Variants in FUT9 observed in about 807,000 individuals in gnomAD.
FUT9 encodes the protein 4-galactosyl-N-acetylglucosaminide 3-alpha-L-fucosyltransferase 9.
A neutral mutation model predicts 29.7 loss-of-function variants in FUT9; 15 were observed. That is an observed-to-expected ratio of 0.51 (90% CI 0.34 to 0.78). FUT9 has a LOEUF of 0.78. FUT9 is among the 30% of genes least tolerant of loss of function. The probability of loss-of-function intolerance (pLI) is 0.01; values close to 1 mark genes in which losing one functional copy is unlikely to be tolerated. For missense variants in FUT9, 319 were observed against 425.4 expected (o/e 0.75, Z 2.20); for synonymous variants, 169 against 153.7 (o/e 1.10, Z -0.74).
At position 96,203,916 on chromosome 6, in the gene FUT9, C is replaced by T. The variant is rs1245422376; in HGVS notation, c.761C>T (p.Thr254Met). The T allele has an allele frequency of 6.2e-6, 10 of 1,612,066 alleles. No individual in the cohort carries two copies. Among genetic ancestry groups the T allele is most frequent in the Admixed American group, 1.7e-5 (1 of 59,880 alleles). The change falls in exon 3 of 3, where the codon ACG becomes ATG. Residue 254 changes from threonine to methionine, a missense_variant. Transcript: ENST00000302103. ...AATTCAATCCACAAGGATTACATCA[C>T]GGAAAAGCTATACAATGCTTTTCTG... The part of the protein sequence containing the change: ...FENSIHKDYI[T>M]EKLYNAFLAG...
chr6:96,120,269 C>CTTTTTTTTTTTTT (rs11347804), intron 2 of FUT9, among the ~76,000 whole-genome samples: 4 of 91,468 alleles, frequency 4.4e-5, no homozygotes, highest in Non-Finnish European at 6.4e-5. Flanking sequence ...TTTTTTCTTT[C>CTTTTTTTTTTTTT]TTTTTTTTTT....
At chr6:96,122,054 G>C (rs17722911) in intron 2 of FUT9, among the ~76,000 whole-genome samples, 6,659 of 152,096 alleles carry the variant, frequency 0.044, 186 homozygotes, top group South Asian at 0.12. Context: ...TTAGTAAAGT[G>C]ATGGTCTGTG....
chr6:96,165,415 A>C (rs1304331906), intron 2 of FUT9, among the ~76,000 whole-genome samples: 2 of 144,846 alleles, frequency 1.4e-5, no homozygotes, highest in East Asian at 4.4e-4. Flanking sequence ...TGGGTGACAG[A>C]GCGAGACTCC....
intron 1 of FUT9, among the ~76,000 whole-genome samples, chr6:96,106,835 A>G (rs1771695420): frequency 1.3e-5 from 2 of 152,234 alleles, no homozygotes; most frequent in African/African-American, 4.8e-5. Context: ...CTTAAACTTG[A>G]TTGATTTGAT....
intron 1 of FUT9, among the ~76,000 whole-genome samples, chr6:96,069,679 T>G (rs1334837903): frequency 6.6e-6 from 1 of 151,944 alleles, no homozygotes; most frequent in African/African-American, 2.4e-5. Context: ...TCGCCCAGGC[T>G]GGAGTGCAGT....
rs573929265 is a variant in FUT9 at position 96,061,418 on chromosome 6, A to C, written c.-98+45206A>C. On this transcript the variant is annotated intron_variant, in intron 1 of 2. Coordinates refer to ENST00000302103, the MANE Select transcript of FUT9 (RefSeq NM_006581.4). ...TTGTTTTTAGTATTCCTAGTTTCTC[A>C]TGGGTATAGTTTTACAAACGCTTTC... Among the ~76,000 whole-genome samples, 11 of 150,816 alleles carry C rather than the reference A, an allele frequency of 7.3e-5. No homozygotes were observed. In the East Asian group the frequency reaches 2.2e-3, roughly 30 times the overall value.
In FUT9 at chr6:96,068,630, A is replaced by G. The variant is rs576531981; in HGVS notation, c.-97-45409A>G. 5.3e-5 allele frequency among the ~76,000 whole-genome samples: 8 copies of G among 152,360 alleles called. No individual in the cohort carries two copies. The South Asian group carries it at 1.7e-3, about 32-fold the overall frequency. On this transcript the variant is annotated intron_variant, in intron 1 of 2. Transcript: ENST00000302103. ...ATTGAAAAATAAATGTGAGACTTAA[A>G]GCAGTTTAAGTAGTGTTAGGTATGA...
At chr6:96,069,331 A>G (rs954195396) in intron 1 of FUT9, among the ~76,000 whole-genome samples, 8 of 151,824 alleles carry the variant, frequency 5.3e-5, no homozygotes, top group African/African-American at 1.9e-4. Flanking sequence ...AAAAAAAAAA[A>G]AGTAAAGACA....
chr6:96,089,414 G>A (rs554277168), intron 1 of FUT9, among the ~76,000 whole-genome samples: 1 of 152,160 alleles, frequency 6.6e-6, no homozygotes, highest in Non-Finnish European at 1.5e-5. Context: ...AACCTGTCAG[G>A]AATCTGGGGA....
Position 96,203,801 on chromosome 6 carries a change from C to A in FUT9, c.646C>A (p.His216Asn). 1 of 1,613,528 alleles carries A rather than the reference C, an allele frequency of 6.2e-7. No individual in the cohort carries two copies. The highest frequency in any genetic ancestry group is 8.5e-7 in the Non-Finnish European group (1 of 1,179,580). The change falls in exon 3 of 3, where the codon CAT (histidine) becomes AAT (asparagine). Residue 216 changes from histidine to asparagine, a missense_variant. His to Asn is a moderately conservative substitution (Grantham distance 68). Transcript: ENST00000302103. Reference protein sequence around the residue: ...YNELSKSIEIHTYGQAFGEYV... With the variant: ...YNELSKSIEINTYGQAFGEYV... The stretch of plus-strand genomic sequence containing the variant: ...TGAGCTAAGCAAAAGCATTGAAATC[C>A]ATACCTACGGGCAAGCATTTGGAGA...
intron 2 of FUT9, among the ~76,000 whole-genome samples, chr6:96,179,015 G>C (rs1387236806): frequency 6.6e-6 from 1 of 151,952 alleles, no homozygotes; most frequent in Non-Finnish European, 1.5e-5. Context: ...GATTTCGAAA[G>C]AATCTGGGTC....
intron 2 of FUT9, among the ~76,000 whole-genome samples, chr6:96,199,135 T>C (rs1000140791): frequency 1.2e-4 from 18 of 152,200 alleles, no homozygotes; most frequent in African/African-American, 4.1e-4. Flanking sequence ...CTATTTACTG[T>C]TACAATTTGC....
intron 1 of FUT9, among the ~76,000 whole-genome samples, chr6:96,077,684 T>A (rs1771161618): frequency 6.6e-6 from 1 of 152,138 alleles, no homozygotes; most frequent in Non-Finnish European, 1.5e-5. Flanking sequence ...CTTTCTGGGT[T>A]TTCTCTCTTG....
chr6:96,138,483 C>CT (rs58250483), intron 2 of FUT9, among the ~76,000 whole-genome samples: 3,633 of 141,922 alleles, frequency 0.026, 146 homozygotes, highest in African/African-American at 0.086. Flanking sequence ...GTGTTCCTTG[C>CT]TTTTTTTTTT....
At chr6:96,144,096 T>C (rs1772519289) in intron 2 of FUT9, among the ~76,000 whole-genome samples, 1 of 152,166 alleles carries the variant, frequency 6.6e-6, no homozygotes, top group African/African-American at 2.4e-5. Context: ...CTTGGATATG[T>C]TTTCTCGACA....
chr6:96,154,347 T>C (rs1772735829), intron 2 of FUT9, among the ~76,000 whole-genome samples: 1 of 152,228 alleles, frequency 6.6e-6, no homozygotes, highest in African/African-American at 2.4e-5. Flanking sequence ...TGGTCTAATT[T>C]TATTTTTAAA....
At chr6:96,019,455 C>T (rs1328905648) in intron 1 of FUT9, among the ~76,000 whole-genome samples, 3 of 151,550 alleles carry the variant, frequency 2.0e-5, no homozygotes, top group Non-Finnish European at 2.9e-5. Context: ...TTCAAATAAC[C>T]CCCAAATTAC....
intron 1 of FUT9, among the ~76,000 whole-genome samples, chr6:96,080,870 A>C (rs1046293252): frequency 1.4e-4 from 22 of 151,870 alleles, no homozygotes; most frequent in African/African-American, 5.3e-4. Flanking sequence ...CCAGATTCGA[A>C]CTCTTATTTC....
intron 1 of FUT9, among the ~76,000 whole-genome samples, chr6:96,036,240 A>C (rs1770363763): frequency 1.3e-5 from 2 of 151,134 alleles, no homozygotes; most frequent in African/African-American, 2.4e-5. Flanking sequence ...TTTAAAACAT[A>C]ATTTTCATCC....
Sources: gnomAD v4.1 joint callset for allele counts (sites outside exome capture counted in the v4.1 genomes callset) on GRCh38, gnomAD v4.1.1 for gene constraint, MANE v1.5 for transcripts, NCBI Gene and HGNC (gene_info 2026-07-23, HGNC 2026-07-21) for gene names.